Variants in PPP2R2B observed in about 807,000 individuals in gnomAD.
PPP2R2B encodes serine/threonine-protein phosphatase 2A 55 kDa regulatory subunit B beta isoform.
PPP2R2B carries 5 observed loss-of-function variants against 46.0 expected under a neutral mutation model. The ratio of observed to expected loss-of-function variants is 0.11; its 90% CI spans 0.06 to 0.23. PPP2R2B has a LOEUF of 0.23. Among genes scored for constraint, PPP2R2B ranks in the 10% least tolerant of loss-of-function variants. The pLI is 1.00. For missense variants in PPP2R2B, 367 were observed against 575.0 expected (o/e 0.64, Z 3.70); for synonymous variants, 215 against 206.7 (o/e 1.04, Z -0.34).
intron 1 of PPP2R2B, among the ~76,000 whole-genome samples, chr5:147,026,481 T>C (rs1755531669): frequency 6.6e-6 from 1 of 152,040 alleles, no homozygotes; most frequent in Admixed American, 6.5e-5. Flanking sequence ...AAGAAACTTT[T>C]TGAGGGTAAT....
chr5:147,031,321 C>T lies in PPP2R2B; in HGVS notation c.79+24344G>A, dbSNP rs571299912. Among the ~76,000 whole-genome samples, 153 of 152,256 alleles carry T rather than the reference C, an allele frequency of 1.0e-3. 1 individual carries two copies. Among genetic ancestry groups the T allele is most frequent in the African/African-American group, 3.5e-3 (146 of 41,560 alleles). On this transcript the variant is annotated intron_variant, in intron 1 of 8. Transcript: ENST00000336640. ...AAGAGTGGCAGTTGGCTCCTTTCAG[C>T]ATTTTAAAGCTGTGACTATTGTCTT...
At position 146,592,977 on chromosome 5, in the gene PPP2R2B, G is replaced by A. The variant is rs750854131; in HGVS notation, c.1046C>T (p.Ser349Leu). The A allele has an allele frequency of 1.9e-5, 31 of 1,610,620 alleles. No individual in the cohort carries two copies. Among genetic ancestry groups the A allele is most frequent in the Non-Finnish European group, 2.5e-5 (30 of 1,176,844 alleles). The change falls in exon 9 of 10, where the codon TCA becomes TTA. Residue 349 changes from serine to leucine, a missense_variant. Physicochemically the swap from Ser to Leu is moderately radical, Grantham distance 145. Coordinates refer to ENST00000394411, the MANE Select transcript of PPP2R2B (RefSeq NM_181675.4). Reference protein sequence around the residue: ...FDKFECVWNGSDSVIMTGSYN... With the variant: ...FDKFECVWNGLDSVIMTGSYN... ...GCCACAGAGCCTTTCTTACCTGTCT[G>A]ACCCATTCCACACACACTCAAATTT... is the stretch of plus-strand genomic sequence containing the variant.
In PPP2R2B at chr5:146,706,505, G is replaced by T. The variant is rs1779863738; in HGVS notation, c.71-5363C>A. 19 of 1,189,926 alleles carry T rather than the reference G, an allele frequency of 1.6e-5. No individual in the cohort carries two copies. In the South Asian group the frequency reaches 2.1e-4, roughly 13 times the overall value. 73.7% of individuals were successfully genotyped at this position (1,189,926 alleles called of 1,614,324 possible). A position where few individuals can be genotyped will look rare whatever the true frequency, so the allele number is the denominator to read the frequency against. ...TCAGCTTGATGTTCATCAGCTTCTG[G>T]TAGGCACGCAGCTGCCGCGCCATGT... On this transcript the variant is annotated intron_variant, in intron 2 of 9. Transcript: ENST00000394411.
intron 5 of PPP2R2B, among the ~76,000 whole-genome samples, chr5:146,680,054 C>G (rs1423662246): frequency 6.6e-6 from 1 of 150,706 alleles, no homozygotes; most frequent in African/African-American, 2.4e-5. Flanking sequence ...GGTATATACC[C>G]AAAGGACTAT....
chr5:146,972,330 C>T (rs2400236), intron 1 of PPP2R2B, among the ~76,000 whole-genome samples: 29,062 of 152,104 alleles, frequency 0.19, 3,231 homozygotes, highest in East Asian at 0.31. Flanking sequence ...GTAGTGTTTG[C>T]CAGATGTGTT....
rs1770412628 is a variant in PPP2R2B at position 146,589,775 on chromosome 5, A to C, written c.*172T>G. On this transcript the variant is annotated 3_prime_UTR_variant, in exon 10 of 10. Transcript: ENST00000394411. ...TCCCAAACCTATTGGGTTTGACAAA[A>C]GTTTCTTAGAACTGGGGAGCTGGGA... is the stretch of plus-strand genomic sequence containing the variant. 4.3e-6 allele frequency: 3 copies of C among 704,304 alleles called. No homozygotes were observed. In the East Asian group the frequency reaches 8.1e-5, roughly 19 times the overall value. The allele number at this position is 704,304 out of a possible 1,614,324, so 43.6% of individuals were successfully genotyped here. A position where few individuals can be genotyped will look rare whatever the true frequency, so the allele number is the denominator to read the frequency against.
chr5:146,621,200 G>A (rs1411110518), intron 7 of PPP2R2B, among the ~76,000 whole-genome samples: 1 of 152,210 alleles, frequency 6.6e-6, no homozygotes, highest in Non-Finnish European at 1.5e-5. Context: ...GTTTTCTACA[G>A]GAAAACACTG....
chr5:146,923,254 C>A (rs1763670459), intron 1 of PPP2R2B, among the ~76,000 whole-genome samples: 1 of 152,108 alleles, frequency 6.6e-6, no homozygotes, highest in African/African-American at 2.4e-5. Context: ...TCCAGAAAAA[C>A]AAGTATGACA....
At chr5:146,969,450 T>C (rs1203967628) in intron 1 of PPP2R2B, among the ~76,000 whole-genome samples, 1 of 152,102 alleles carries the variant, frequency 6.6e-6, no homozygotes, top group Non-Finnish European at 1.5e-5. Context: ...ATATCAAAAA[T>C]AGTTTGTCTT....
intron 1 of PPP2R2B, among the ~76,000 whole-genome samples, chr5:147,045,755 T>C (rs1756515634): frequency 6.6e-6 from 1 of 152,170 alleles, no homozygotes; most frequent in Non-Finnish European, 1.5e-5. Context: ...CATCACTTGA[T>C]AGCTTCATCT....
intron 2 of PPP2R2B, among the ~76,000 whole-genome samples, chr5:146,835,930 C>G (rs971041214): frequency 8.6e-5 from 13 of 152,040 alleles, no homozygotes; most frequent in African/African-American, 3.1e-4. Context: ...CCAGTTCCAC[C>G]GATTTAAGCT....
At chr5:146,999,856 G>T (rs936763105) in intron 1 of PPP2R2B, among the ~76,000 whole-genome samples, 4 of 152,134 alleles carry the variant, frequency 2.6e-5, no homozygotes, top group African/African-American at 9.7e-5. Flanking sequence ...CCAGACCAAT[G>T]GTTTACATAC....
At chr5:146,909,814 T>C (rs1369648111) in intron 1 of PPP2R2B, among the ~76,000 whole-genome samples, 1 of 152,204 alleles carries the variant, frequency 6.6e-6, no homozygotes, top group African/African-American at 2.4e-5. Context: ...CTTTGCACAA[T>C]ATTATTAATA....
rs756532986 is a variant in PPP2R2B, at chr5:146,650,736, G to A, written c.448-12C>T. 1.9e-6 allele frequency: 3 copies of A among 1,609,924 alleles called. No homozygotes were observed. In the South Asian group the frequency reaches 3.3e-5, roughly 18 times the overall value. ...CTCAGGACAGGCACCTGGGATGCAA[G>A]AGAAACAAATCACTTCAGAACCAAA... On this transcript the variant is annotated splice_polypyrimidine_tract_variant and intron_variant, in intron 5 of 9. Coordinates refer to ENST00000394411, the MANE Select transcript of PPP2R2B (RefSeq NM_181675.4).
At chr5:146,723,957 C>T (rs1230676612) in intron 2 of PPP2R2B, among the ~76,000 whole-genome samples, 6 of 152,100 alleles carry the variant, frequency 3.9e-5, no homozygotes, top group African/African-American at 1.2e-4. Context: ...TCATTCGTGC[C>T]AACATTTCCT....
At chr5:146,750,853 C>A (rs1002571389) in intron 2 of PPP2R2B, among the ~76,000 whole-genome samples, 5 of 152,046 alleles carry the variant, frequency 3.3e-5, no homozygotes, top group African/African-American at 1.2e-4. Flanking sequence ...CACGTTGGTA[C>A]GCTGGATCCA....
At chr5:146,881,249 C>A (rs1349866095), upstream of PPP2R2B, among the ~76,000 whole-genome samples, 1 of 152,148 alleles carries the variant, frequency 6.6e-6, no homozygotes, top group South Asian at 2.1e-4. Context: ...GTCCCTGCTT[C>A]GTTGAGGCAT....
chr5:147,063,190 T>A (rs1044170656), intron 2 of PPP2R2B, among the ~76,000 whole-genome samples: 6 of 151,984 alleles, frequency 3.9e-5, no homozygotes, highest in African/African-American at 1.4e-4. Context: ...CACACCTAAA[T>A]GGAACATTGG....
chr5:146,819,274 GT>G (rs1355387830), intron 2 of PPP2R2B, among the ~76,000 whole-genome samples: 6 of 152,184 alleles, frequency 3.9e-5, no homozygotes, highest in Non-Finnish European at 7.3e-5. Flanking sequence ...TTCACTAACA[GT>G]TTCTCAGTGG....
Sources: gnomAD v4.1 joint callset for allele counts (sites outside exome capture counted in the v4.1 genomes callset) on GRCh38, gnomAD v4.1.1 for gene constraint, MANE v1.5 for transcripts, NCBI Gene and HGNC (gene_info 2026-07-23, HGNC 2026-07-21) for gene names.